The following KCNMA1 variants were observed in gnomAD, a reference collection of about 807,000 sequenced individuals.
KCNMA1 encodes potassium calcium-activated channel subfamily M alpha 1, also known as Calcium-activated potassium channel subunit alpha-1.
Under a neutral mutation model 140.0 loss-of-function variants are expected in KCNMA1, and 29 were observed. The ratio of observed to expected loss-of-function variants is 0.21; its 90% CI spans 0.15 to 0.28. The LOEUF (loss-of-function observed/expected upper bound fraction) is 0.28, where lower values mean the gene tolerates loss of function less well. Ranked by LOEUF, KCNMA1 falls within the 10% of genes least tolerant of loss-of-function variation. KCNMA1 has a pLI of 1.00. For synonymous variants in KCNMA1, 612 were observed against 611.9 expected (o/e 1.00, Z 0.00); for missense variants, 880 against 1,602.2 (o/e 0.55, Z 7.70).
intron 5 of KCNMA1, among the ~76,000 whole-genome samples, chr10:77,174,027 T>A (rs531833161): frequency 6.6e-6 from 1 of 152,164 alleles, no homozygotes; most frequent in Non-Finnish European, 1.5e-5. Flanking sequence ...GCTACTTAAT[T>A]GCTCACAAAT....
At chr10:77,353,002 C>A (rs2093076144) in intron 2 of KCNMA1, among the ~76,000 whole-genome samples, 1 of 152,172 alleles carries the variant, frequency 6.6e-6, no homozygotes, top group Admixed American at 6.5e-5. Flanking sequence ...GAAGACAATC[C>A]CCTGAATGCA....
At chr10:77,252,555 G>GTC (rs1009958065) in intron 2 of KCNMA1, among the ~76,000 whole-genome samples, 2 of 151,704 alleles carry the variant, frequency 1.3e-5, no homozygotes, top group Non-Finnish European at 2.9e-5. Context: ...GTGTGTGTGT[G>GTC]TGCGGGCACG....
intron 6 of KCNMA1, among the ~76,000 whole-genome samples, chr10:77,114,583 T>C (rs753044687): frequency 7.9e-5 from 12 of 152,202 alleles, no homozygotes; most frequent in Non-Finnish European, 1.3e-4. Flanking sequence ...GTTTACACTA[T>C]TTACTCAACT....
At chr10:76,973,734 T>C (rs2076726187) in intron 19 of KCNMA1, among the ~76,000 whole-genome samples, 1 of 152,236 alleles carries the variant, frequency 6.6e-6, no homozygotes, top group Non-Finnish European at 1.5e-5. Context: ...CTGGGCTTAC[T>C]TCAAAATGAT....
intron 15 of KCNMA1, among the ~76,000 whole-genome samples, chr10:77,035,239 A>T (rs1328378062): frequency 1.3e-5 from 2 of 152,192 alleles, no homozygotes; most frequent in Non-Finnish European, 2.9e-5. Context: ...CCTACCACTT[A>T]GAATGTCCTC....
intron 23 of KCNMA1, among the ~76,000 whole-genome samples, chr10:76,925,563 C>T (rs886800596): frequency 6.6e-6 from 1 of 152,040 alleles, no homozygotes; most frequent in South Asian, 2.1e-4. Context: ...CTTTTGCAAG[C>T]ATTAATCAAA....
At chr10:77,417,319 C>T (rs1374520476) in intron 1 of KCNMA1, among the ~76,000 whole-genome samples, 1 of 144,388 alleles carries the variant, frequency 6.9e-6, no homozygotes, top group Non-Finnish European at 1.5e-5. Flanking sequence ...GCCTATATAC[C>T]TTTTATGCCC....
At chr10:77,317,260 A>G (rs1308460521) in intron 2 of KCNMA1, among the ~76,000 whole-genome samples, 1 of 152,146 alleles carries the variant, frequency 6.6e-6, no homozygotes, top group Non-Finnish European at 1.5e-5. Context: ...AGTCTAAGGA[A>G]CCCACTTCCA....
At chr10:77,275,597 A>G (rs2066426956) in intron 2 of KCNMA1, among the ~76,000 whole-genome samples, 1 of 152,214 alleles carries the variant, frequency 6.6e-6, no homozygotes, top group Admixed American at 6.5e-5. Context: ...CCATTGCCAT[A>G]GTCCCAATTG....
chr10:77,536,624 A>C (rs912985866), intron 1 of KCNMA1, among the ~76,000 whole-genome samples: 12 of 152,178 alleles, frequency 7.9e-5, no homozygotes, highest in African/African-American at 2.9e-4. Flanking sequence ...CAAAGAGGTG[A>C]GTAACTTACT....
At chr10:76,991,489 A>C (rs1168756936) in intron 19 of KCNMA1, among the ~76,000 whole-genome samples, 3 of 152,108 alleles carry the variant, frequency 2.0e-5, no homozygotes, top group Non-Finnish European at 4.4e-5. Flanking sequence ...CTCTTCTTGT[A>C]CATCCCAGTT....
intron 15 of KCNMA1, among the ~76,000 whole-genome samples, chr10:77,035,852 A>G (rs2153564116): frequency 6.6e-6 from 1 of 152,316 alleles, no homozygotes; most frequent in South Asian, 2.1e-4. Context: ...TAGCACTCCT[A>G]TTTCAGAGAA....
At chr10:76,893,648 G>A (rs114885118) in intron 25 of KCNMA1, among the ~76,000 whole-genome samples, 1 of 152,178 alleles carries the variant, frequency 6.6e-6, no homozygotes, top group African/African-American at 2.4e-5. Flanking sequence ...GCTGAGGCCA[G>A]AGAATTACTT....
chr10:76,967,336 C>T (rs914936530), intron 20 of KCNMA1, among the ~76,000 whole-genome samples: 1 of 152,104 alleles, frequency 6.6e-6, no homozygotes, highest in African/African-American at 2.4e-5. Flanking sequence ...CCTGAAAGTC[C>T]CATTTACTGG....
At chr10:77,114,849 G>T (rs1255398892) in intron 6 of KCNMA1, among the ~76,000 whole-genome samples, 3 of 152,182 alleles carry the variant, frequency 2.0e-5, no homozygotes, top group African/African-American at 7.2e-5. Context: ...CATTTTCCCA[G>T]TAGTGGCTTA....
chr10:77,219,710 C>T (rs1356919202), intron 3 of KCNMA1, among the ~76,000 whole-genome samples: 1 of 152,130 alleles, frequency 6.6e-6, no homozygotes, highest in African/African-American at 2.4e-5. Context: ...AGCTCTGCCT[C>T]CCGGGTTCAA....
chr10:76,921,390 A>G (rs1024295155), intron 23 of KCNMA1, among the ~76,000 whole-genome samples: 2 of 152,234 alleles, frequency 1.3e-5, no homozygotes, highest in African/African-American at 4.8e-5. Context: ...AGGGAAAAAA[A>G]CCTCAAAGGC....
intron 16 of KCNMA1, among the ~76,000 whole-genome samples, chr10:77,025,654 A>C (rs2093381908): frequency 6.6e-6 from 1 of 152,062 alleles, no homozygotes; most frequent in African/African-American, 2.4e-5. Context: ...CAGGTTAAAG[A>C]AGGTGGGAAG....
intron 1 of KCNMA1, among the ~76,000 whole-genome samples, chr10:77,508,473 C>T (rs907400874): frequency 1.3e-5 from 2 of 151,940 alleles, no homozygotes; most frequent in African/African-American, 2.4e-5. Context: ...GCGCGAGTCC[C>T]CCCACTCAGC....
Sources: allele counts gnomAD v4.1 joint callset (sites outside exome capture counted in the v4.1 genomes callset), GRCh38; gene constraint gnomAD v4.1.1; transcripts MANE v1.5; gene names NCBI Gene and HGNC (gene_info 2026-07-23, HGNC 2026-07-21).